The following VTI1A variants were observed in gnomAD, a reference collection of about 807,000 sequenced individuals.
The protein encoded by VTI1A is vesicle transport through interaction with t-SNAREs 1A.
Under a neutral mutation model 34.9 loss-of-function variants are expected in VTI1A, and 22 were observed. The observed-to-expected ratio is 0.63, with a 90% CI of 0.45 to 0.90. VTI1A has a LOEUF of 0.90. VTI1A is among the 40% of genes least tolerant of loss of function. The pLI is 0.00. For missense variants in VTI1A, 268 were observed against 275.6 expected (o/e 0.97, Z 0.20); for synonymous variants, 87 against 97.3 (o/e 0.89, Z 0.62).
intron 7 of VTI1A, among the ~76,000 whole-genome samples, chr10:112,757,666 G>A (rs1010578697): frequency 1.6e-4 from 24 of 152,080 alleles, no homozygotes; most frequent in Non-Finnish European, 2.6e-4. Context: ...GATTACAGGC[G>A]TGAGTCACTG....
downstream of VTI1A, among the ~76,000 whole-genome samples, chr10:112,820,008 C>G (rs979608545): frequency 6.6e-6 from 1 of 152,192 alleles, no homozygotes; most frequent in Non-Finnish European, 1.5e-5. Flanking sequence ...TGTAGCATCT[C>G]TCAGCATCAC....
At chr10:112,622,360 C>T (rs1845765987) in intron 5 of VTI1A, among the ~76,000 whole-genome samples, 1 of 151,480 alleles carries the variant, frequency 6.6e-6, no homozygotes, top group Admixed American at 6.6e-5. Context: ...TTTACTGATG[C>T]TAAAATGTTT....
intron 7 of VTI1A, among the ~76,000 whole-genome samples, chr10:112,754,548 A>C (rs528342078): frequency 7.9e-5 from 12 of 152,376 alleles, no homozygotes; most frequent in African/African-American, 2.4e-4. Flanking sequence ...CACACAGTGT[A>C]CTGTTAAAAC....
At chr10:112,630,148 C>T (rs1846074953) in intron 5 of VTI1A, among the ~76,000 whole-genome samples, 1 of 152,128 alleles carries the variant, frequency 6.6e-6, no homozygotes, top group African/African-American at 2.4e-5. Flanking sequence ...ATTAGGGGTT[C>T]CTTTCTAGAG....
intron 3 of VTI1A, among the ~76,000 whole-genome samples, chr10:112,490,899 A>G (rs981326138): frequency 1.3e-5 from 2 of 152,168 alleles, no homozygotes; most frequent in African/African-American, 2.4e-5. Context: ...TGAGAAAGGC[A>G]CTTAAAATAG....
rs56852488 is a variant in VTI1A at position 112,747,026 on chromosome 10, G to A, written c.561-68264G>A. On this transcript the variant is annotated intron_variant, in intron 7 of 7. Transcript: ENST00000393077. ...AGAGAGATCCAGTCACTTACCCAGC[G>A]CAGTCACACAGCCAACAAGTGGTGG... 5.0e-3 allele frequency among the ~76,000 whole-genome samples: 765 copies of A among 152,262 alleles called. 6 individuals carry two copies. Among genetic ancestry groups the A allele is most frequent in the African/African-American group, 0.017 (721 of 41,538 alleles).
chr10:112,710,319 T>G (rs998261885), intron 7 of VTI1A, among the ~76,000 whole-genome samples: 4 of 151,748 alleles, frequency 2.6e-5, no homozygotes, highest in African/African-American at 9.7e-5. Flanking sequence ...ATGATTCTCC[T>G]GCCTCGGCCT....
At chr10:112,626,467 A>T (rs1490421284) in intron 5 of VTI1A, among the ~76,000 whole-genome samples, 1 of 152,148 alleles carries the variant, frequency 6.6e-6, no homozygotes, top group Non-Finnish European at 1.5e-5. Flanking sequence ...TATAGAATTA[A>T]TCTGTACTAA....
At chr10:112,554,890 T>C (rs1424218744) in intron 5 of VTI1A, among the ~76,000 whole-genome samples, 2 of 152,152 alleles carry the variant, frequency 1.3e-5, no homozygotes, top group African/African-American at 4.8e-5. Flanking sequence ...ATCATTTAAT[T>C]TGATGAGTCC....
At chr10:112,774,897 G>A (rs763694862) in intron 7 of VTI1A, among the ~76,000 whole-genome samples, 14 of 152,270 alleles carry the variant, frequency 9.2e-5, no homozygotes, top group African/African-American at 2.4e-4. Flanking sequence ...GTGCCCTTTT[G>A]TGTTCACAGG....
At chr10:112,473,700 C>T (rs1170827531) in intron 3 of VTI1A, among the ~76,000 whole-genome samples, 1 of 152,154 alleles carries the variant, frequency 6.6e-6, no homozygotes, top group Non-Finnish European at 1.5e-5. Flanking sequence ...TTTACTGCGG[C>T]TCATCAAATC....
At chr10:112,716,668 A>T (rs1849623389) in intron 7 of VTI1A, among the ~76,000 whole-genome samples, 1 of 152,088 alleles carries the variant, frequency 6.6e-6, no homozygotes, top group Non-Finnish European at 1.5e-5. Context: ...ATGCCCCAAA[A>T]TCCAAGTTTT....
At chr10:112,608,547 A>G (rs1845175742) in intron 5 of VTI1A, among the ~76,000 whole-genome samples, 1 of 152,168 alleles carries the variant, frequency 6.6e-6, no homozygotes, top group African/African-American at 2.4e-5. Flanking sequence ...AAATATATCT[A>G]ATCACTGGTA....
chr10:112,463,173 C>T (rs1847785703), intron 2 of VTI1A, among the ~76,000 whole-genome samples: 1 of 152,146 alleles, frequency 6.6e-6, no homozygotes, highest in East Asian at 1.9e-4. Context: ...GATCTACCTG[C>T]CTCGGCCTCC....
intron 7 of VTI1A, among the ~76,000 whole-genome samples, chr10:112,687,779 GA>G (rs1435069589): frequency 1.3e-4 from 19 of 151,892 alleles, no homozygotes; most frequent in African/African-American, 4.4e-4. Flanking sequence ...TCAGAAGAAG[GA>G]GGGGCTGATT....
chr10:112,538,349 A>C lies in VTI1A; in HGVS notation c.427+19A>C, dbSNP rs1191790432. On this transcript the variant is annotated intron_variant, in intron 5 of 7. Coordinates refer to ENST00000393077, the MANE Select transcript of VTI1A (RefSeq NM_145206.4). Reference sequence around the variant, plus strand: ...GAAACCGGTAAGAATTCTGAGAGTGAGCAAATTGTCTTGCTTATGCACAGC... The same window carrying C: ...GAAACCGGTAAGAATTCTGAGAGTGCGCAAATTGTCTTGCTTATGCACAGC... 1 of 1,610,760 alleles carries C rather than the reference A, an allele frequency of 6.2e-7. No individual in the cohort carries two copies. Among genetic ancestry groups the C allele is most frequent in the East Asian group, 2.2e-5 (1 of 44,852 alleles).
At chr10:112,621,916 T>C (rs1342467193) in intron 5 of VTI1A, among the ~76,000 whole-genome samples, 1 of 152,206 alleles carries the variant, frequency 6.6e-6, no homozygotes, top group East Asian at 1.9e-4. Flanking sequence ...GCAGCATCTG[T>C]CCACCGTCCT....
intron 7 of VTI1A, among the ~76,000 whole-genome samples, chr10:112,759,377 T>C (rs1011354752): frequency 6.6e-6 from 1 of 152,284 alleles, no homozygotes; most frequent in East Asian, 1.9e-4. Context: ...CCACTCAAAT[T>C]GTGTGGGTGG....
intron 7 of VTI1A, among the ~76,000 whole-genome samples, chr10:112,712,676 A>T (rs138209182): frequency 6.6e-6 from 1 of 152,148 alleles, no homozygotes; most frequent in Non-Finnish European, 1.5e-5. Flanking sequence ...AAAAGTGTGC[A>T]TTAGGACAGA....
Sources: gnomAD v4.1 joint callset for allele counts (sites outside exome capture counted in the v4.1 genomes callset) on GRCh38, gnomAD v4.1.1 for gene constraint, MANE v1.5 for transcripts, NCBI Gene and HGNC (gene_info 2026-07-23, HGNC 2026-07-21) for gene names.